GRIN3A: variants seen among roughly 807,000 people sequenced by gnomAD.
The protein encoded by GRIN3A is glutamate ionotropic receptor NMDA type subunit 3A.
Under a neutral mutation model 92.4 loss-of-function variants are expected in GRIN3A, and 47 were observed. The observed-to-expected ratio is 0.51, with a 90% CI of 0.40 to 0.65. GRIN3A has a LOEUF of 0.65. Among genes scored for constraint, GRIN3A ranks in the 30% least tolerant of loss-of-function variants. The pLI is 0.00. For missense variants in GRIN3A, 1,324 were observed against 1,393.1 expected (o/e 0.95, Z 0.79); for synonymous variants, 527 against 540.6 (o/e 0.97, Z 0.35).
intron 1 of GRIN3A, among the ~76,000 whole-genome samples, chr9:101,715,774 A>G (rs1294714388): frequency 6.6e-6 from 1 of 152,172 alleles, no homozygotes; most frequent in African/African-American, 2.4e-5. Context: ...ACTATGAGCA[A>G]AACAGTGTAA....
intron 1 of GRIN3A, among the ~76,000 whole-genome samples, chr9:101,707,052 G>A (rs930192132): frequency 1.3e-5 from 2 of 152,196 alleles, no homozygotes; most frequent in African/African-American, 2.4e-5. Context: ...TTCAACAGCC[G>A]CTAAAATTTG....
intron 3 of GRIN3A, among the ~76,000 whole-genome samples, chr9:101,634,379 T>G (rs1828756117): frequency 6.7e-6 from 1 of 149,346 alleles, no homozygotes; most frequent in South Asian, 2.1e-4. Flanking sequence ...GAGGCATAGC[T>G]TCTGTAAATG....
intron 1 of GRIN3A, among the ~76,000 whole-genome samples, chr9:101,723,208 A>C (rs1227132207): frequency 6.6e-6 from 1 of 152,084 alleles, no homozygotes; most frequent in African/African-American, 2.4e-5. Context: ...TACAGCTCTT[A>C]AGGTGGCGCG....
intron 1 of GRIN3A, among the ~76,000 whole-genome samples, chr9:101,708,517 C>T (rs761165525): frequency 6.6e-6 from 1 of 152,092 alleles, no homozygotes; most frequent in African/African-American, 2.4e-5. Context: ...GCCAACCCCC[C>T]AAATGAGATC....
Position 101,599,057 on chromosome 9 carries a change from A to G in GRIN3A, c.2766+14319T>C, listed in dbSNP as rs377443392. On this transcript the variant is annotated intron_variant, in intron 6 of 8. Coordinates refer to ENST00000361820, the MANE Select transcript of GRIN3A (RefSeq NM_133445.3). The stretch of plus-strand genomic sequence containing the variant: ...GTAATGGAGAGAGCATAGGAGGTAA[A>G]TAGTTGGTTCCAGCCTCAGCTCTTT... Among the ~76,000 whole-genome samples, 40 of 152,308 alleles carry G rather than the reference A, an allele frequency of 2.6e-4. No individual in the cohort carries two copies. In the South Asian group the frequency reaches 7.5e-3, roughly 28 times the overall value.
intron 2 of GRIN3A, among the ~76,000 whole-genome samples, chr9:101,686,229 T>C (rs1338392092): frequency 6.6e-6 from 1 of 152,224 alleles, no homozygotes; most frequent in African/African-American, 2.4e-5. Context: ...ACTTTTCATA[T>C]ATAAATTTCA....
Position 101,738,024 on chromosome 9 carries a change from C to T in GRIN3A, c.-45G>A. 2.0e-6 allele frequency: 3 copies of T among 1,494,392 alleles called. No individual in the cohort carries two copies. The highest frequency in any genetic ancestry group is 1.8e-6 in the Non-Finnish European group (2 of 1,111,166). 92.6% of individuals were successfully genotyped at this position (1,494,392 alleles called of 1,614,324 possible). ...AAAGCGCGCCCCCTCCTGCGCCCGG[C>T]TCGCCCCTCTGCAGCCGCTGCCTGA... On this transcript the variant is annotated 5_prime_UTR_variant, in exon 1 of 9. Transcript: ENST00000361820.
At position 101,714,168 on chromosome 9, in the gene GRIN3A, C is replaced by T. The variant is rs139017019; in HGVS notation, c.699+23113G>A. Among the ~76,000 whole-genome samples, 33 of 151,832 alleles carry T rather than the reference C, an allele frequency of 2.2e-4. 1 individual carries two copies. In the East Asian group the frequency reaches 4.8e-3, roughly 22 times the overall value. ...TATGAAAACGATTTACTTTAGAAGC[C>T]AAAAGAAAATTGGAAAAGAAAAACC... is the stretch of plus-strand genomic sequence containing the variant. On this transcript the variant is annotated intron_variant, in intron 1 of 8. Coordinates refer to ENST00000361820, the MANE Select transcript of GRIN3A (RefSeq NM_133445.3).
intron 8 of GRIN3A, among the ~76,000 whole-genome samples, chr9:101,576,344 A>G (rs1257155427): frequency 2.0e-5 from 3 of 152,324 alleles, no homozygotes; most frequent in South Asian, 4.1e-4. Flanking sequence ...GTTGGGTTGT[A>G]TAGAGGTAGG....
chr9:101,624,711 AT>A (rs1172089711), intron 4 of GRIN3A, among the ~76,000 whole-genome samples: 1 of 152,138 alleles, frequency 6.6e-6, no homozygotes, highest in African/African-American at 2.4e-5. Flanking sequence ...TTATAGCAGC[AT>A]GATTTATAGT....
Position 101,599,963 on chromosome 9 carries a change from T to C in GRIN3A, c.2766+13413A>G, listed in dbSNP as rs1230186185. On this transcript the variant is annotated intron_variant, in intron 6 of 8. Coordinates refer to ENST00000361820, the MANE Select transcript of GRIN3A (RefSeq NM_133445.3). ...TACTAGCTCGAGTTTAAACTGTTTT[T>C]GAGCATCAGGTTTGTCATCTGTTTG... Among the ~76,000 whole-genome samples, 10 of 152,346 alleles carry C rather than the reference T, an allele frequency of 6.6e-5. No homozygotes were observed. In the East Asian group the frequency reaches 1.9e-3, roughly 29 times the overall value.
chr9:101,649,311 C>T (rs1323276717), intron 3 of GRIN3A, among the ~76,000 whole-genome samples: 1 of 152,014 alleles, frequency 6.6e-6, no homozygotes, highest in Non-Finnish European at 1.5e-5. Context: ...GTAGCATCAG[C>T]CACATGGTGT....
intron 6 of GRIN3A, chr9:101,593,773 A>C (rs1490227953): frequency 6.6e-6 from 1 of 152,350 alleles, no homozygotes; most frequent in East Asian, 1.9e-4. Flanking sequence ...GTTTCTGTTC[A>C]GGAGCTGGAG....
At chr9:101,696,447 A>T (rs563113630) in intron 1 of GRIN3A, among the ~76,000 whole-genome samples, 61 of 152,340 alleles carry the variant, frequency 4.0e-4, no homozygotes, top group Non-Finnish European at 5.4e-4. Flanking sequence ...TATCATAAAG[A>T]GTAAGATTAT....
At chr9:101,631,845 T>C (rs1828719964) in intron 3 of GRIN3A, among the ~76,000 whole-genome samples, 1 of 152,208 alleles carries the variant, frequency 6.6e-6, no homozygotes, top group South Asian at 2.1e-4. Context: ...CCACTGCTCT[T>C]ATTTGAGTCA....
rs768676303 is a variant in GRIN3A, at chr9:101,577,823, T to C, written c.2953A>G (p.Thr985Ala). ...TGCTGCTTTTCCTCTATAAATGATGTATTTATTGCTCTGTGTAATCTCTGA... is the reference window on the plus strand; with the variant it reads ...TGCTGCTTTTCCTCTATAAATGATGCATTTATTGCTCTGTGTAATCTCTGA... The part of the protein sequence containing the change: ...TSQRLHRAIN[T>A]SFIEEKQQHF... The change falls in exon 8 of 9, where the codon ACA becomes GCA. Residue 985 changes from threonine to alanine, a missense_variant. Thr to Ala is a moderately conservative substitution (Grantham distance 58, BLOSUM62 0). Coordinates refer to ENST00000361820, the MANE Select transcript of GRIN3A (RefSeq NM_133445.3). The C allele has an allele frequency of 3.1e-6, 5 of 1,611,854 alleles. No individual in the cohort carries two copies. In the South Asian group the frequency reaches 4.4e-5, roughly 14 times the overall value.
chr9:101,719,184 C>G (rs10819980), intron 1 of GRIN3A, among the ~76,000 whole-genome samples: 1 of 151,762 alleles, frequency 6.6e-6, no homozygotes, highest in East Asian at 1.9e-4. Context: ...TTTGGGAGGC[C>G]GAAGCGGGCG....
intron 3 of GRIN3A, among the ~76,000 whole-genome samples, chr9:101,642,451 G>A (rs529894329): frequency 6.6e-6 from 1 of 152,086 alleles, no homozygotes; most frequent in African/African-American, 2.4e-5. Context: ...TAAAAGCACA[G>A]GCAACAAAAG....
At chr9:101,598,561 G>C (rs898201422) in intron 6 of GRIN3A, among the ~76,000 whole-genome samples, 1 of 152,076 alleles carries the variant, frequency 6.6e-6, no homozygotes, top group Non-Finnish European at 1.5e-5. Flanking sequence ...TATGAAAAAT[G>C]GGGCTAATAA....
Sources: gnomAD v4.1 joint callset for allele counts (sites outside exome capture counted in the v4.1 genomes callset) on GRCh38, gnomAD v4.1.1 for gene constraint, MANE v1.5 for transcripts, NCBI Gene and HGNC (gene_info 2026-07-23, HGNC 2026-07-21) for gene names.